NAALADL2: variants seen among roughly 807,000 people sequenced by gnomAD.
NAALADL2 encodes the protein inactive N-acetylated-alpha-linked acidic dipeptidase-like protein 2.
In NAALADL2, 76 loss-of-function variants were observed where a neutral mutation model predicts 87.2. That is an observed-to-expected ratio of 0.87 (90% CI 0.72 to 1.05). The LOEUF is 1.05. Among genes scored for constraint, NAALADL2 ranks in the 50% least tolerant of loss-of-function variants. The pLI is 0.00. For synonymous variants in NAALADL2, 354 were observed against 331.0 expected (o/e 1.07, Z -0.75); for missense variants, 1,089 against 945.8 (o/e 1.15, Z -1.99).
chr3:175,036,541 A>G (rs1753430762), intron 1 of NAALADL2, among the ~76,000 whole-genome samples: 1 of 152,020 alleles, frequency 6.6e-6, no homozygotes. Context: ...CTGGGACTAC[A>G]GGCACCTGCC....
chr3:175,493,013 T>C (rs1457031369), intron 9 of NAALADL2, among the ~76,000 whole-genome samples: 1 of 152,118 alleles, frequency 6.6e-6, no homozygotes, highest in Non-Finnish European at 1.5e-5. Flanking sequence ...GATATTTATG[T>C]GTACATATGT....
At chr3:174,561,702 A>G (rs745497247) in intron 2 of NAALADL2, among the ~76,000 whole-genome samples, 1 of 152,188 alleles carries the variant, frequency 6.6e-6, no homozygotes, top group Admixed American at 6.6e-5. Context: ...CAGAAGCCTG[A>G]CTAGAGATGC....
intron 2 of NAALADL2, among the ~76,000 whole-genome samples, chr3:174,712,665 C>T (rs1403861934): frequency 1.3e-5 from 2 of 151,990 alleles, no homozygotes; most frequent in African/African-American, 2.4e-5. Context: ...GGATTACAGG[C>T]GTCAGCTACC....
At chr3:174,821,635 G>A (rs1721434308) in intron 3 of NAALADL2, among the ~76,000 whole-genome samples, 1 of 152,160 alleles carries the variant, frequency 6.6e-6, no homozygotes, top group African/African-American at 2.4e-5. Flanking sequence ...ATTACACAGA[G>A]TTCTGACTTC....
chr3:175,225,167 G>C (rs932851110), intron 2 of NAALADL2, among the ~76,000 whole-genome samples: 1 of 152,004 alleles, frequency 6.6e-6, no homozygotes, highest in African/African-American at 2.4e-5. Context: ...TTGCATTGTC[G>C]CAGAGAGATG....
intron 11 of NAALADL2, among the ~76,000 whole-genome samples, chr3:175,703,595 TAGTC>T (rs1334672944): frequency 3.3e-5 from 5 of 151,740 alleles, no homozygotes; most frequent in African/African-American, 9.7e-5. Flanking sequence ...ACACAAAAAT[TAGTC>T]AGGAGCGGTG....
intron 4 of NAALADL2, among the ~76,000 whole-genome samples, chr3:175,313,434 A>C (rs1164673865): frequency 6.6e-6 from 1 of 152,196 alleles, no homozygotes; most frequent in African/African-American, 2.4e-5. Flanking sequence ...GTGCTGGACC[A>C]ATGTTTTGAA....
chr3:175,652,102 C>A (rs1038278616), intron 11 of NAALADL2, among the ~76,000 whole-genome samples: 1 of 152,144 alleles, frequency 6.6e-6, no homozygotes, highest in Non-Finnish European at 1.5e-5. Flanking sequence ...ACAATCTATT[C>A]AGCCACAAAA....
chr3:175,332,706 T>C (rs1012399683), intron 5 of NAALADL2, among the ~76,000 whole-genome samples: 2 of 152,220 alleles, frequency 1.3e-5, no homozygotes, highest in Non-Finnish European at 1.5e-5. Context: ...GTGTTTTCTG[T>C]AGCTGTCGGA....
chr3:175,329,271 T>C (rs762488937), intron 5 of NAALADL2, among the ~76,000 whole-genome samples: 11 of 152,208 alleles, frequency 7.2e-5, no homozygotes, highest in Non-Finnish European at 1.5e-4. Context: ...GAGAGAAAAG[T>C]CTTTTCAGTG....
intron 1 of NAALADL2, among the ~76,000 whole-genome samples, chr3:174,478,326 G>A (rs1717340117): frequency 6.6e-6 from 1 of 152,068 alleles, no homozygotes; most frequent in East Asian, 1.9e-4. Context: ...CTCTAACAAT[G>A]TTTCTGAGAG....
At position 175,098,845 on chromosome 3, in the gene NAALADL2, A is replaced by G. The variant is rs553728107; in HGVS notation, c.545+1554A>G. ...GTTCTATTACAAAATGTCTTCTGGA[A>G]AAGGATCCATAGCATTAATTTCTTT... On this transcript the variant is annotated intron_variant, in intron 2 of 13. Coordinates refer to ENST00000454872, the MANE Select transcript of NAALADL2 (RefSeq NM_207015.3). Among the ~76,000 whole-genome samples the G allele has an allele frequency of 8.5e-4, 129 of 152,182 alleles. 1 individual carries two copies. The highest frequency in any genetic ancestry group is 2.8e-3 in the African/African-American group (116 of 41,546).
At chr3:175,017,136 A>G (rs959474219) in intron 1 of NAALADL2, among the ~76,000 whole-genome samples, 13 of 151,096 alleles carry the variant, frequency 8.6e-5, no homozygotes, top group African/African-American at 2.7e-4. Context: ...ACTTAATTGG[A>G]TGATTTAAAA....
At chr3:175,283,240 G>A (rs9879950) in intron 4 of NAALADL2, among the ~76,000 whole-genome samples, 71,443 of 151,874 alleles carry the variant, frequency 0.47, 19,632 homozygotes, top group African/African-American at 0.77. Flanking sequence ...ATCTTCTTCC[G>A]TTTACCGAGT....
At chr3:174,902,881 C>T (rs1732478961) in intron 1 of NAALADL2, among the ~76,000 whole-genome samples, 1 of 152,064 alleles carries the variant, frequency 6.6e-6, no homozygotes, top group Admixed American at 6.6e-5. Context: ...GAGGTTAGCA[C>T]ATATTCTCCC....
intron 5 of NAALADL2, among the ~76,000 whole-genome samples, chr3:175,445,169 T>A (rs2149215870): frequency 6.6e-6 from 1 of 152,332 alleles, no homozygotes; most frequent in Non-Finnish European, 1.5e-5. Flanking sequence ...TCTGAGTCAG[T>A]AAAAATATAT....
intron 6 of NAALADL2, among the ~76,000 whole-genome samples, chr3:175,451,625 A>C (rs1357991615): frequency 1.3e-5 from 2 of 152,160 alleles, no homozygotes; most frequent in African/African-American, 4.8e-5. Flanking sequence ...TAGCGTGAAA[A>C]ATATAAATGA....
rs117738321 is a variant in NAALADL2 at position 174,676,831 on chromosome 3, A to G, written c.-114-60810A>G. ...GTTATAAATTTCTATAAGTTAGTTT[A>G]AAAATTTTTATCATGTAGTTAGTGA... On this transcript the variant is annotated intron_variant, in intron 2 of 3. Transcript: ENST00000434257. Among the ~76,000 whole-genome samples the G allele has an allele frequency of 6.5e-3, 991 of 152,094 alleles. 13 individuals carry two copies. Among genetic ancestry groups the G allele is most frequent in the East Asian group, 0.03 (156 of 5,180 alleles).
At chr3:175,103,529 A>G (rs1024895020) in intron 2 of NAALADL2, among the ~76,000 whole-genome samples, 3 of 152,298 alleles carry the variant, frequency 2.0e-5, no homozygotes, top group South Asian at 2.1e-4. Flanking sequence ...CTCCATGTCC[A>G]TTAATCATAG....
Sources: allele counts gnomAD v4.1 joint callset (sites outside exome capture counted in the v4.1 genomes callset), GRCh38; gene constraint gnomAD v4.1.1; transcripts MANE v1.5; gene names NCBI Gene and HGNC (gene_info 2026-07-23, HGNC 2026-07-21).